The following ZDHHC9 variants were observed in gnomAD, a reference collection of about 807,000 sequenced individuals.
The protein encoded by ZDHHC9 is zDHHC palmitoyltransferase 9, also known as palmitoyltransferase ZDHHC9.
A neutral mutation model predicts 26.6 loss-of-function variants in ZDHHC9; 3 were observed. That is an observed-to-expected ratio of 0.11 (90% CI 0.05 to 0.29). The LOEUF (loss-of-function observed/expected upper bound fraction) is 0.29, where lower values mean the gene tolerates loss of function less well. Ranked by LOEUF, ZDHHC9 falls within the 10% of genes least tolerant of loss-of-function variation. The pLI is 1.00. For synonymous variants in ZDHHC9, 111 were observed against 109.4 expected, an observed-to-expected ratio of 1.01 and a Z score of -0.09; for missense variants, 146 against 296.4, an observed-to-expected ratio of 0.49 and a Z score of 3.73.
intron 6 of ZDHHC9, among the ~76,000 whole-genome samples, chrX:129,814,101 G>T (rs900035664): frequency 8.9e-6 from 1 of 111,776 alleles, no homozygotes; most frequent in African/African-American, 3.3e-5. Flanking sequence ...TCAAAATCCA[G>T]CTCAGAACTC....
At chrX:129,828,702 A>T (rs192642119) in intron 4 of ZDHHC9, among the ~76,000 whole-genome samples, 61 of 111,260 alleles carry the variant, frequency 5.5e-4, no homozygotes, top group Non-Finnish European at 8.5e-4. Context: ...TCCCCCAAAA[A>T]AGTAAAAAAC....
At chrX:129,807,454 GAAAAAAAAA>G (rs779819713) in intron 10 of ZDHHC9, among the ~76,000 whole-genome samples, 2 of 27,403 alleles carry the variant, frequency 7.3e-5, no homozygotes, top group Non-Finnish European at 1.5e-4. Context: ...CTCCGTCTCA[GAAAAAAAAA>G]AAAAAAAAAA....
intron 6 of ZDHHC9, among the ~76,000 whole-genome samples, chrX:129,814,284 C>T (rs1286446660): frequency 1.8e-5 from 2 of 111,811 alleles, no homozygotes; most frequent in Non-Finnish European, 3.8e-5. Context: ...AGGCAAAACC[C>T]TTACCCTTTT....
intron 3 of ZDHHC9, among the ~76,000 whole-genome samples, chrX:129,837,103 C>T (rs1300972457): frequency 1.8e-5 from 2 of 112,130 alleles, no homozygotes; most frequent in South Asian, 3.7e-4. Context: ...TTTCCTCACC[C>T]CACACAAGGA....
chrX:129,825,625 A>T (rs995916900), intron 4 of ZDHHC9, among the ~76,000 whole-genome samples: 5 of 111,493 alleles, frequency 4.5e-5, no homozygotes, highest in Non-Finnish European at 9.4e-5. Context: ...GTAAAAATTT[A>T]AAACATTACA....
At chrX:129,832,997 T>A (rs1276259458) in intron 3 of ZDHHC9, among the ~76,000 whole-genome samples, 1 of 105,347 alleles carries the variant, frequency 9.5e-6, no homozygotes, top group African/African-American at 3.5e-5. Context: ...CTAGGTCAGA[T>A]CTGTCATCCA....
intron 3 of ZDHHC9, among the ~76,000 whole-genome samples, chrX:129,830,989 G>C (rs1233524487): frequency 9.0e-6 from 1 of 111,304 alleles, no homozygotes; most frequent in African/African-American, 3.3e-5. Context: ...CTTTTTTAAT[G>C]ATTTACTTCC....
At chrX:129,823,973 A>C in intron 4 of ZDHHC9, 136 bp from the exon 5 acceptor site, 1 of 541,609 alleles carries the variant, frequency 1.8e-6, no homozygotes, top group South Asian at 2.5e-5. Flanking sequence ...GACACTCAAC[A>C]TCACAGAATA....
At position 129,804,667 on chromosome X, in the gene ZDHHC9, G is replaced by A. The variant is rs1476616445; in HGVS notation, c.*1703C>T. The A allele has an allele frequency of 8.9e-6, 1 of 111,956 alleles. No homozygotes were observed. The highest frequency in any genetic ancestry group is 1.9e-5 in the Non-Finnish European group (1 of 53,164). The allele number at this position is 111,956 out of a possible 1,213,427, so 9.2% of individuals were successfully genotyped here. A position where few individuals can be genotyped will look rare whatever the true frequency, so the allele number is the denominator to read the frequency against. ...AAAACAATATCCTAATATAGAGCTT[G>A]TTCTCTTAAGTAAATATAATCCCTC... On this transcript the variant is annotated 3_prime_UTR_variant, in exon 11 of 11. Coordinates refer to ENST00000357166, the MANE Select transcript of ZDHHC9 (RefSeq NM_016032.4).
Position 129,819,580 on chromosome X carries a change from A to AT in ZDHHC9, c.487+4098dup, listed in dbSNP as rs1185030468. ...TGCATATTTCTTTATACATCATTAG[A>AT]TTTTTTAAAAATAGGTAACTGACTT... On this transcript the variant is annotated intron_variant, in intron 5 of 10. Coordinates refer to ENST00000357166, the MANE Select transcript of ZDHHC9 (RefSeq NM_016032.4). Among the ~76,000 whole-genome samples, 3 of 111,756 alleles carry AT rather than the reference A, an allele frequency of 2.7e-5. No individual in the cohort carries two copies. In the South Asian group the frequency reaches 1.1e-3, roughly 41 times the overall value.
Position 129,841,939 on chromosome X carries a change from C to T in ZDHHC9, c.7G>A (p.Val3Met). 8.3e-7 allele frequency: 1 copy of T among 1,211,656 alleles called. No homozygotes were observed. The highest frequency in any genetic ancestry group is 1.1e-6 in the Non-Finnish European group (1 of 895,475). Reference protein sequence around the residue: MSVMVVRKKVTRK... With the variant: MSMMVVRKKVTRK... ...GTCACCTTCTTTCTCACCACCATCA[C>T]AGACATGATTGGAATTCCTGCTCCA... Residue 3 changes from valine (V) to methionine (M), a missense_variant, in exon 3 of 11, where the codon GTG becomes ATG. This residue lies in a region of ZDHHC9 where 100 missense variants were observed against 250.0 expected (regional missense o/e 0.40). Coordinates refer to ENST00000357166, the MANE Select transcript of ZDHHC9 (RefSeq NM_016032.4).
At chrX:129,814,392 C>T (rs1248148493) in intron 6 of ZDHHC9, among the ~76,000 whole-genome samples, 1 of 111,832 alleles carries the variant, frequency 8.9e-6, no homozygotes, top group East Asian at 2.8e-4. Flanking sequence ...TCAGAAATGC[C>T]CCAGTACTCT....
In ZDHHC9 at chrX:129,814,657, C is replaced by G; in HGVS notation, c.625+1G>C. On this transcript the variant is annotated splice_donor_variant, in intron 6 of 10. Transcript: ENST00000357166. LOFTEE classifies it high-confidence loss of function. ...CAACGGACACTGCCCTGTATACTCACTGAGGGCCACATAGACGATGTTGAA... is the reference window on the plus strand; with the variant it reads ...CAACGGACACTGCCCTGTATACTCAGTGAGGGCCACATAGACGATGTTGAA... 8.3e-7 allele frequency: 1 copy of G among 1,211,274 alleles called. No homozygotes were observed. Among genetic ancestry groups the G allele is most frequent in the Non-Finnish European group, 1.1e-6 (1 of 895,298 alleles).
At position 129,843,677 on chromosome X, in the gene ZDHHC9, C is replaced by T. The variant is rs760079443; in HGVS notation, c.-204+19G>A. 9.2e-6 allele frequency: 1 copy of T among 108,817 alleles called. No individual in the cohort carries two copies. Among genetic ancestry groups the T allele is most frequent in the South Asian group, 4.1e-4 (1 of 2,466 alleles). 9.0% of individuals were successfully genotyped at this position (108,817 alleles called of 1,213,427 possible). A position where few individuals can be genotyped will look rare whatever the true frequency, so the allele number is the denominator to read the frequency against. ...CCTGCAGCCGAGCCCAGGAGACCCCCGCCCCCACCCCTCGTTACCTGAACC... is the reference window on the plus strand; with the variant it reads ...CCTGCAGCCGAGCCCAGGAGACCCCTGCCCCCACCCCTCGTTACCTGAACC... On this transcript the variant is annotated intron_variant, in intron 1 of 10. Transcript: ENST00000357166.
At chrX:129,821,219 T>C (rs1927876609) in intron 5 of ZDHHC9, among the ~76,000 whole-genome samples, 1 of 111,107 alleles carries the variant, frequency 9.0e-6, no homozygotes, top group African/African-American at 3.3e-5. Context: ...TTGTGGAAGA[T>C]GTGGCAATTC....
At chrX:129,835,446 CA>C (rs59940283) in intron 3 of ZDHHC9, among the ~76,000 whole-genome samples, 10,545 of 54,096 alleles carry the variant, frequency 0.19, 1,556 homozygotes, top group East Asian at 0.52. Context: ...GACCCTATCT[CA>C]AAAAAAAAAA....
intron 2 of ZDHHC9, among the ~76,000 whole-genome samples, chrX:129,842,904 G>A (rs951870605): frequency 8.9e-6 from 1 of 112,519 alleles, no homozygotes; most frequent in African/African-American, 3.2e-5. Flanking sequence ...GTGGGGAATG[G>A]CAGCAGCTAA....
At chrX:129,816,083 A>G (rs1927750797) in intron 5 of ZDHHC9, among the ~76,000 whole-genome samples, 1 of 112,215 alleles carries the variant, frequency 8.9e-6, no homozygotes, top group South Asian at 3.7e-4. Context: ...TCTTGTGAAT[A>G]CTGTACATTT....
chrX:129,808,615 A>C (rs944527003), intron 10 of ZDHHC9, among the ~76,000 whole-genome samples: 3 of 112,263 alleles, frequency 2.7e-5, no homozygotes, highest in African/African-American at 9.7e-5. Flanking sequence ...AGCTCTTACA[A>C]GAAAACAAGG....
Sources: gnomAD v4.1 joint callset for allele counts (sites outside exome capture counted in the v4.1 genomes callset) on GRCh38, gnomAD v4.1.1 for gene constraint, gnomAD v4.1.1 regional missense constraint, MANE v1.5 for transcripts, NCBI Gene and HGNC (gene_info 2026-07-23, HGNC 2026-07-21) for gene names.